The following KCNIP4 variants were observed in gnomAD, a reference collection of about 807,000 sequenced individuals.
The protein encoded by KCNIP4 is potassium voltage-gated channel interacting protein 4, also known as Kv channel-interacting protein 4.
In KCNIP4, 12 loss-of-function variants were observed where a neutral mutation model predicts 34.0. That is an observed-to-expected ratio of 0.35 (90% CI 0.23 to 0.57). KCNIP4 has a LOEUF of 0.57. KCNIP4 is among the 20% of genes least tolerant of loss of function. The pLI is 0.83. For missense variants in KCNIP4, 238 were observed against 311.7 expected (o/e 0.76, Z 1.78); for synonymous variants, 124 against 102.2 (o/e 1.21, Z -1.29).
intron 1 of KCNIP4, among the ~76,000 whole-genome samples, chr4:21,917,754 G>A (rs1057333981): frequency 6.6e-6 from 1 of 152,124 alleles, no homozygotes; most frequent in Admixed American, 6.6e-5. Context: ...TTTATTAACA[G>A]TATATCTAAT....
At chr4:21,567,191 TA>T (rs1349651213) in intron 1 of KCNIP4, among the ~76,000 whole-genome samples, 2 of 152,148 alleles carry the variant, frequency 1.3e-5, no homozygotes, top group African/African-American at 2.4e-5. Flanking sequence ...ACAATTTTAT[TA>T]AGATTAGCAA....
chr4:21,226,479 C>CA (rs1335708987), intron 1 of KCNIP4, among the ~76,000 whole-genome samples: 7 of 151,990 alleles, frequency 4.6e-5, no homozygotes, highest in Non-Finnish European at 1.0e-4. Flanking sequence ...TTGAGGAGTT[C>CA]AAAATGCCCT....
At chr4:20,969,107 T>C (rs531376992) in intron 1 of KCNIP4, among the ~76,000 whole-genome samples, 4 of 152,156 alleles carry the variant, frequency 2.6e-5, no homozygotes, top group African/African-American at 9.7e-5. Flanking sequence ...AAATACTTCA[T>C]CTGGTACAAA....
At chr4:21,177,725 G>A (rs1207252517) in intron 1 of KCNIP4, among the ~76,000 whole-genome samples, 1 of 151,742 alleles carries the variant, frequency 6.6e-6, no homozygotes, top group Non-Finnish European at 1.5e-5. Flanking sequence ...GCCGGGCATG[G>A]TGGTGGATGC....
intron 1 of KCNIP4, among the ~76,000 whole-genome samples, chr4:21,155,994 G>C (rs570390191): frequency 6.6e-6 from 1 of 152,088 alleles, no homozygotes; most frequent in Non-Finnish European, 1.5e-5. Context: ...CCACTTAGCT[G>C]AGTTTCCTAA....
Position 21,377,955 on chromosome 4 carries a change from C to T in KCNIP4, c.62-495246G>A, listed in dbSNP as rs58153981. Among the ~76,000 whole-genome samples the T allele has an allele frequency of 5.9e-3, 903 of 152,198 alleles. 8 individuals carry two copies. The highest frequency in any genetic ancestry group is 0.021 in the African/African-American group (863 of 41,532). On this transcript the variant is annotated intron_variant, in intron 1 of 8. Transcript: ENST00000382152. ...TTTCACTGGAAGATTGGTATTTGTG[C>T]GTAGTGGTGGTGGTGGCGGGTACTT...
At chr4:20,920,801 C>T (rs537999191) in intron 1 of KCNIP4, among the ~76,000 whole-genome samples, 2 of 152,160 alleles carry the variant, frequency 1.3e-5, no homozygotes, top group South Asian at 4.2e-4. Flanking sequence ...ACCAGCCTGG[C>T]CAATATGATG....
chr4:20,975,327 A>C (rs548521650), intron 1 of KCNIP4, among the ~76,000 whole-genome samples: 3 of 152,348 alleles, frequency 2.0e-5, no homozygotes, highest in African/African-American at 7.2e-5. Flanking sequence ...TAAAAATTAA[A>C]ATGGGTCTTT....
intron 1 of KCNIP4, among the ~76,000 whole-genome samples, chr4:21,269,982 C>T (rs1293256190): frequency 6.6e-6 from 1 of 152,134 alleles, no homozygotes; most frequent in Non-Finnish European, 1.5e-5. Flanking sequence ...CCCTGTTACT[C>T]TTCAAATTTA....
chr4:21,477,369 G>A (rs960662200), intron 1 of KCNIP4, among the ~76,000 whole-genome samples: 1 of 152,068 alleles, frequency 6.6e-6, no homozygotes, highest in Non-Finnish European at 1.5e-5. Context: ...TCTAGGTCTT[G>A]ATAAAAATAT....
intron 1 of KCNIP4, among the ~76,000 whole-genome samples, chr4:21,506,793 C>CT (rs535124066): frequency 1.1e-4 from 17 of 151,480 alleles, no homozygotes; most frequent in Admixed American, 1.3e-4. Context: ...TTTAATATTG[C>CT]TTTTTTTTTC....
rs574924977 is a variant in KCNIP4 at position 21,657,839 on chromosome 4, T to C, written c.61+290732A>G. ...AGTGTTTTATCAAATGGTTTAAACA[T>C]AATTTTTTTTTTTTTTTTTGAGACG... On this transcript the variant is annotated intron_variant, in intron 1 of 8. Coordinates refer to ENST00000382152, the MANE Select transcript of KCNIP4 (RefSeq NM_025221.6). 1.3e-3 allele frequency among the ~76,000 whole-genome samples: 152 copies of C among 119,770 alleles called. 4 individuals are homozygous for C. In the South Asian group the frequency reaches 0.033, roughly 26 times the overall value. 78.6% of individuals were successfully genotyped at this position (119,770 alleles called of 152,430 possible). A position where few individuals can be genotyped will look rare whatever the true frequency, so the allele number is the denominator to read the frequency against.
At chr4:21,448,547 G>A (rs1194785192) in intron 1 of KCNIP4, among the ~76,000 whole-genome samples, 5 of 152,078 alleles carry the variant, frequency 3.3e-5, no homozygotes, top group South Asian at 2.1e-4. Flanking sequence ...ATAGTAAAAC[G>A]AGAGAAGAAA....
intron 1 of KCNIP4, among the ~76,000 whole-genome samples, chr4:21,111,260 G>T (rs916845507): frequency 6.6e-6 from 1 of 151,680 alleles, no homozygotes; most frequent in Non-Finnish European, 1.5e-5. Context: ...TTGATCCTTG[G>T]CTTTGAGTTT....
At chr4:21,691,691 CTTTTT>C (rs36004947) in intron 1 of KCNIP4, among the ~76,000 whole-genome samples, 7 of 103,144 alleles carry the variant, frequency 6.8e-5, no homozygotes, top group African/African-American at 2.1e-4. Context: ...AAACGCAGCT[CTTTTT>C]TTTTTTTTTT....
At chr4:21,365,506 T>TAAATAAAA (rs1560332246) in intron 1 of KCNIP4, among the ~76,000 whole-genome samples, 2 of 101,694 alleles carry the variant, frequency 2.0e-5, no homozygotes, top group Non-Finnish European at 4.1e-5. Flanking sequence ...AATAAATAAA[T>TAAATAAAA]AAATAAATAA....
rs562741562 is a variant in KCNIP4, at chr4:21,491,374, C to T, written c.61+457197G>A. ...GAAAGAGAACTGGGTCTCTGAAATG[C>T]CACTTGTTTTTTGTTTGTTTGAGAC... On this transcript the variant is annotated intron_variant, in intron 1 of 8. Transcript: ENST00000382152. 3.3e-5 allele frequency among the ~76,000 whole-genome samples: 5 copies of T among 152,068 alleles called. No homozygotes were observed. In the South Asian group the frequency reaches 1.0e-3, roughly 32 times the overall value.
chr4:21,403,916 G>A (rs773459392), intron 1 of KCNIP4, among the ~76,000 whole-genome samples: 2 of 152,154 alleles, frequency 1.3e-5, no homozygotes, highest in African/African-American at 2.4e-5. Flanking sequence ...CATGAGGGTG[G>A]AGAACTCATG....
intron 1 of KCNIP4, among the ~76,000 whole-genome samples, chr4:21,176,747 C>T (rs1321447469): frequency 1.3e-5 from 2 of 152,154 alleles, no homozygotes; most frequent in South Asian, 4.1e-4. Context: ...TCTCGAACTC[C>T]TGACCTTGGG....
Sources: gnomAD v4.1 joint callset for allele counts (sites outside exome capture counted in the v4.1 genomes callset) on GRCh38, gnomAD v4.1.1 for gene constraint, MANE v1.5 for transcripts, NCBI Gene and HGNC (gene_info 2026-07-23, HGNC 2026-07-21) for gene names.